The following TTC3 variants were observed in gnomAD, a reference collection of about 807,000 sequenced individuals.
The protein encoded by TTC3 is E3 ubiquitin-protein ligase TTC3.
A neutral mutation model predicts 249.6 loss-of-function variants in TTC3; 180 were observed. The observed-to-expected ratio is 0.72, with a 90% CI of 0.64 to 0.82. TTC3 has a LOEUF of 0.82. Ranked by LOEUF, TTC3 falls within the 40% of genes least tolerant of loss-of-function variation. The pLI, the probability that TTC3 is intolerant of heterozygous loss-of-function variation, is 0.00. For synonymous variants in TTC3, 717 were observed against 805.0 expected (o/e 0.89, Z 1.85); for missense variants, 2,061 against 2,398.4 (o/e 0.86, Z 2.94).
intron 21 of TTC3, 34 bp from the exon 22 acceptor site, chr21:37,147,447 T>G: frequency 6.4e-7 from 1 of 1,571,642 alleles, no homozygotes; most frequent in African/African-American, 1.4e-5. Flanking sequence ...AGATTAGTAT[T>G]GTAATGGTAT....
At position 37,085,991 on chromosome 21, in the gene TTC3, G is replaced by A. The variant is rs188826360; in HGVS notation, c.-11-1256G>A. 3.3e-5 allele frequency: 5 copies of A among 152,334 alleles called. No homozygotes were observed. In the East Asian group the frequency reaches 7.7e-4, roughly 23 times the overall value. 9.4% of individuals were successfully genotyped at this position (152,334 alleles called of 1,614,324 possible). A position where few individuals can be genotyped will look rare whatever the true frequency, so the allele number is the denominator to read the frequency against. ...TGAGCATTTTCCCATCTGTACAGTG[G>A]AGATAACGATAATTGTGCCTGCTAA... On this transcript the variant is annotated intron_variant, in intron 1 of 45. Coordinates refer to ENST00000355666, the Ensembl canonical transcript of TTC3.
exon 46 of TTC3, chr21:37,201,977 CAAGAGAGATGATACTGACTTTTT>C (rs1280759831): frequency 1.8e-5 from 3 of 165,808 alleles, no homozygotes; most frequent in Non-Finnish European, 3.9e-5. Context: ...GGTAGCTCCA[CAAGAGAGATGATACTGACTTTTT>C]AAATTTTTTA....
At chr21:37,135,491 G>T (rs757988733) in exon 18 of TTC3, 3 of 1,613,108 alleles carry the variant, frequency 1.9e-6, no homozygotes, top group African/African-American at 1.3e-5. Flanking sequence ...GTTGCTGAAC[G>T]GTTTAGATCC....
rs530059488 is a variant in TTC3, at chr21:37,073,604, C to G, written c.-12+240C>G. The G allele has an allele frequency of 7.8e-6, 5 of 638,786 alleles. No homozygotes were observed. In the African/African-American group the frequency reaches 9.9e-5, roughly 13 times the overall value. The allele number at this position is 638,786 out of a possible 1,614,324, so 39.6% of individuals were successfully genotyped here. On this transcript the variant is annotated intron_variant, in intron 1 of 45. Coordinates refer to ENST00000355666, the Ensembl canonical transcript of TTC3. Reference sequence around the variant, plus strand: ...ACCCCAGTGGGTTTGCCCCCTTGGTCTGGTGCCCCTTCGCGAGCGAGGCCC... The same window carrying G: ...ACCCCAGTGGGTTTGCCCCCTTGGTGTGGTGCCCCTTCGCGAGCGAGGCCC...
At chr21:37,112,100 A>G (rs997084907) in intron 11 of TTC3, among the ~76,000 whole-genome samples, 9 of 152,216 alleles carry the variant, frequency 5.9e-5, no homozygotes, top group African/African-American at 2.2e-4. Context: ...AAAGCAGGAA[A>G]GATCTAAAAT....
At chr21:37,129,494 A>G (rs2077297881) in intron 16 of TTC3, among the ~76,000 whole-genome samples, 1 of 152,236 alleles carries the variant, frequency 6.6e-6, no homozygotes, top group Non-Finnish European at 1.5e-5. Context: ...ATACGCAGAC[A>G]TGGGTATGCA....
At position 37,185,687 on chromosome 21, in the gene TTC3, G is replaced by T; in HGVS notation, c.4758-19G>T. The T allele has an allele frequency of 6.7e-7, 1 of 1,482,424 alleles. No homozygotes were observed. The highest frequency in any genetic ancestry group is 9.0e-7 in the Non-Finnish European group (1 of 1,112,220). The allele number at this position is 1,482,424 out of a possible 1,614,324, so 91.8% of individuals were successfully genotyped here. A position where few individuals can be genotyped will look rare whatever the true frequency, so the allele number is the denominator to read the frequency against. The stretch of plus-strand genomic sequence containing the variant: ...AATTTTTCAAAATTAATTAATATTT[G>T]GTGATTATGCTTTTATAGGTATACC... On this transcript the variant is annotated intron_variant, in intron 36 of 45. Transcript: ENST00000355666.
chr21:37,090,711 T>A, intron 6 of TTC3: 1 of 199,366 alleles, frequency 5.0e-6, no homozygotes, highest in Non-Finnish European at 9.0e-6. Context: ...TAACTTTAAT[T>A]TTTGAAGTTA....
rs1336431684 is a variant in TTC3 at position 37,090,209 on chromosome 21, AT to A, written c.427-23del. The A allele has an allele frequency of 3.8e-6, 6 of 1,571,826 alleles. No homozygotes were observed. In the East Asian group the frequency reaches 1.1e-4, roughly 29 times the overall value. ...GTAGAATTGACTGAATAAGGAAAAAATATGTCCTTTTTTTATTTTTCAGAAT... is the reference window on the plus strand; with the variant it reads ...GTAGAATTGACTGAATAAGGAAAAAAATGTCCTTTTTTTATTTTTCAGAAT... On this transcript the variant is annotated intron_variant, in intron 5 of 45. Coordinates refer to ENST00000355666, the Ensembl canonical transcript of TTC3.
intron 11 of TTC3, among the ~76,000 whole-genome samples, chr21:37,121,552 T>G (rs1455015329): frequency 6.6e-5 from 10 of 152,242 alleles, no homozygotes; most frequent in Non-Finnish European, 7.3e-5. Context: ...AAAGTTGAAC[T>G]CTGCTGGGGG....
At chr21:37,202,713 A>G (rs1241327687) in exon 46 of TTC3, 1 of 152,182 alleles carries the variant, frequency 6.6e-6, no homozygotes, top group Non-Finnish European at 1.5e-5. Context: ...GTCACATTCC[A>G]TTTCTCTCCA....
intron 15 of TTC3, among the ~76,000 whole-genome samples, chr21:37,128,419 CT>C (rs541324714): frequency 5.3e-5 from 8 of 152,220 alleles, no homozygotes; most frequent in Non-Finnish European, 8.8e-5. Flanking sequence ...GCCTTCCACC[CT>C]TTTTGAGGTC....
At chr21:37,182,310 C>G (rs988084086) in intron 35 of TTC3, among the ~76,000 whole-genome samples, 1 of 152,218 alleles carries the variant, frequency 6.6e-6, no homozygotes, top group African/African-American at 2.4e-5. Context: ...AGCATTGTCT[C>G]CAAAGAGGTT....
intron 1 of TTC3, 184 bp from the exon 2 acceptor site, chr21:37,087,063 G>A (rs2072587196): frequency 3.3e-6 from 2 of 614,560 alleles, no homozygotes; most frequent in Admixed American, 6.4e-5. Flanking sequence ...TAAATTATCT[G>A]GAGAGAGAGG....
At chr21:37,090,259 A>G (rs757262424) in exon 6 of TTC3, 99 of 1,607,504 alleles carry the variant, frequency 6.2e-5, no homozygotes, top group Non-Finnish European at 7.7e-5. Context: ...TTGGAGGCTT[A>G]TTGAGAATTG....
At chr21:37,157,288 T>A (rs1034463152) in intron 28 of TTC3, 1 of 904,764 alleles carries the variant, frequency 1.1e-6, no homozygotes, top group Admixed American at 2.5e-5. Context: ...GAATCTAGAA[T>A]GGATAGCATT....
chr21:37,093,968 A>T, intron 7 of TTC3, 37 bp from the exon 8 acceptor site: 1 of 1,375,742 alleles, frequency 7.3e-7, no homozygotes, highest in Non-Finnish European at 1.0e-6. Flanking sequence ...TTTTAAACAA[A>T]TGTTCTCTCT....
chr21:37,087,290 G>A (rs766382758), exon 2 of TTC3: 2 of 1,606,930 alleles, frequency 1.2e-6, no homozygotes, highest in South Asian at 1.1e-5. Context: ...ATTTCACTGT[G>A]GCGGATTATG....
intron 21 of TTC3, among the ~76,000 whole-genome samples, chr21:37,144,964 T>C (rs2018521): frequency 0.62 from 94,016 of 152,054 alleles, 30,365 homozygotes; most frequent in East Asian, 0.84. Flanking sequence ...GCAAGCAAAT[T>C]GTGGTCCTGG....
Sources: allele counts gnomAD v4.1 joint callset (sites outside exome capture counted in the v4.1 genomes callset), GRCh38; gene constraint gnomAD v4.1.1; transcripts MANE v1.5; gene names NCBI Gene and HGNC (gene_info 2026-07-23, HGNC 2026-07-21).